FXR1: variants seen among roughly 807,000 people sequenced by gnomAD.
FXR1 encodes the protein FMR1 autosomal homolog 1, also known as RNA-binding protein FXR1.
A neutral mutation model predicts 84.0 loss-of-function variants in FXR1; 15 were observed. The observed-to-expected ratio is 0.18, with a 90% CI of 0.12 to 0.27. The LOEUF (loss-of-function observed/expected upper bound fraction) is 0.27. Among genes scored for constraint, FXR1 ranks in the 10% least tolerant of loss-of-function variants. The pLI is 1.00. For missense variants in FXR1, 480 were observed against 774.4 expected, an observed-to-expected ratio of 0.62 and a Z score of 4.51; for synonymous variants, 245 against 250.7, an observed-to-expected ratio of 0.98 and a Z score of 0.21.
rs1314095729 is a variant in FXR1 at position 180,981,961 on chromosome 3, G to A, written c.*5669G>A. On this transcript the variant is annotated 3_prime_UTR_variant, in exon 17 of 17. Coordinates refer to ENST00000357559, the MANE Select transcript of FXR1 (RefSeq NM_005087.4). ...AAAATATATCTGGAAGCACCAATGA[G>A]TAAAGACAAAGGCCCCAAGCTAGAT... The A allele has an allele frequency of 1.3e-5, 2 of 151,948 alleles. No individual in the cohort carries two copies. The highest frequency in any genetic ancestry group is 6.6e-5 in the Admixed American group (1 of 15,248). The allele number at this position is 151,948 out of a possible 1,614,324, so 9.4% of individuals were successfully genotyped here. A position where few individuals can be genotyped will look rare whatever the true frequency, so the allele number is the denominator to read the frequency against.
chr3:180,926,335 A>G (rs1181681468), intron 1 of FXR1, among the ~76,000 whole-genome samples: 1 of 151,882 alleles, frequency 6.6e-6, no homozygotes, highest in Non-Finnish European at 1.5e-5. Flanking sequence ...TAAGAGAATA[A>G]ATGTGAACTA....
chr3:180,972,578 T>C (rs1713717983), intron 15 of FXR1, among the ~76,000 whole-genome samples: 1 of 152,172 alleles, frequency 6.6e-6, no homozygotes, highest in Admixed American at 6.5e-5. Context: ...ACAGAATATA[T>C]TACAACATTT....
intron 3 of FXR1, 27 bp from the exon 4 acceptor site, chr3:180,947,838 G>A: frequency 7.1e-7 from 1 of 1,409,458 alleles, no homozygotes; most frequent in Non-Finnish European, 9.9e-7. Flanking sequence ...GGGATGAATG[G>A]ATATAGGCAT....
intron 1 of FXR1, among the ~76,000 whole-genome samples, chr3:180,929,683 C>T (rs1043812049): frequency 3.2e-4 from 49 of 152,326 alleles, no homozygotes; most frequent in African/African-American, 1.0e-3. Context: ...AGACCCAGCC[C>T]TGTCAATTTG....
chr3:180,928,169 A>G (rs1407436940), intron 1 of FXR1, among the ~76,000 whole-genome samples: 2 of 150,664 alleles, frequency 1.3e-5, no homozygotes, highest in Admixed American at 6.6e-5. Flanking sequence ...TGTTTTCCCC[A>G]AGAATTATTT....
At chr3:180,949,034 CAT>C (rs1266540053) in intron 6 of FXR1, among the ~76,000 whole-genome samples, 191 bp from the exon 7 acceptor site, 4 of 152,116 alleles carry the variant, frequency 2.6e-5, no homozygotes, top group African/African-American at 4.8e-5. Flanking sequence ...CCCAATCAAA[CAT>C]ATTCTGAATA....
rs751019608 is a variant in FXR1, at chr3:180,979,164, T to A, written c.*2872T>A. On this transcript the variant is annotated 3_prime_UTR_variant, in exon 17 of 17. Transcript: ENST00000357559. ...GTTTTGTAACCTAAGGAGGGTCTTATAGAAGTTGGTATGTTAACTAAATCT... is the reference window on the plus strand; with the variant it reads ...GTTTTGTAACCTAAGGAGGGTCTTAAAGAAGTTGGTATGTTAACTAAATCT... The A allele has an allele frequency of 4.6e-5, 7 of 152,082 alleles. No individual in the cohort carries two copies. Among genetic ancestry groups the A allele is most frequent in the African/African-American group, 1.2e-4 (5 of 41,406 alleles). The allele number at this position is 152,082 out of a possible 1,614,324, so 9.4% of individuals were successfully genotyped here. A position where few individuals can be genotyped will look rare whatever the true frequency, so the allele number is the denominator to read the frequency against.
intron 9 of FXR1, 78 bp downstream of exon 9, chr3:180,953,918 C>T (rs1722480519): frequency 2.7e-6 from 2 of 735,536 alleles, no homozygotes; most frequent in East Asian, 5.2e-5. Context: ...GAAAACTAGT[C>T]TTGTAGTCTG....
intron 10 of FXR1, among the ~76,000 whole-genome samples, chr3:180,960,679 G>C (rs1033469956): frequency 2.0e-5 from 3 of 151,978 alleles, no homozygotes; most frequent in Non-Finnish European, 4.4e-5. Context: ...TGCCCAGGCT[G>C]GTCTCGAACT....
intron 15 of FXR1, 150 bp from the exon 16 acceptor site, chr3:180,975,163 T>C: frequency 2.4e-6 from 1 of 408,422 alleles, no homozygotes; most frequent in African/African-American, 2.1e-5. Context: ...TTTTTAAAGC[T>C]TTGTTTTTGG....
intron 14 of FXR1, 192 bp downstream of exon 14, chr3:180,968,446 G>A (rs1713119168): frequency 3.7e-6 from 2 of 535,916 alleles, no homozygotes; most frequent in Non-Finnish European, 6.7e-6. Flanking sequence ...GGTTTACTTA[G>A]AATATACTGG....
chr3:180,966,915 A>C (rs1171304175), intron 13 of FXR1, among the ~76,000 whole-genome samples: 1 of 152,202 alleles, frequency 6.6e-6, no homozygotes, highest in African/African-American at 2.4e-5. Context: ...CTGACATTTG[A>C]GTTACAGTAA....
At chr3:180,961,642 T>A in intron 11 of FXR1, 88 bp downstream of exon 11, 1 of 651,856 alleles carries the variant, frequency 1.5e-6, no homozygotes, top group Non-Finnish European at 2.7e-6. Context: ...TAAAATGTCC[T>A]CACATTAAAC....
At chr3:180,941,126 G>A (rs1164604836) in intron 3 of FXR1, among the ~76,000 whole-genome samples, 2 of 151,600 alleles carry the variant, frequency 1.3e-5, no homozygotes, top group Admixed American at 6.6e-5. Context: ...GATTAAAAAA[G>A]AGAATAAAAA....
chr3:180,912,698 A>G lies in FXR1; in HGVS notation c.13A>G (p.Thr5Ala), dbSNP rs750332989. 1.4e-5 allele frequency: 23 copies of G among 1,613,064 alleles called. No homozygotes were observed. Among genetic ancestry groups the G allele is most frequent in the African/African-American group, 2.7e-5 (2 of 74,544 alleles). The part of the protein sequence containing the change: MAEL[T>A]VEVRGSNGAF... Reference sequence around the variant, plus strand: ...TTGCGGTTCCAACATGGCGGAGCTGACGGTGGAGGTTCGCGGCTCTAACGG... The same window carrying G: ...TTGCGGTTCCAACATGGCGGAGCTGGCGGTGGAGGTTCGCGGCTCTAACGG... Residue 5 changes from threonine (T) to alanine (A), a missense_variant, in exon 1 of 17, where the codon ACG becomes GCG. Transcript: ENST00000357559.
intron 1 of FXR1, among the ~76,000 whole-genome samples, chr3:180,928,141 G>A (rs1336533292): frequency 7.7e-6 from 1 of 129,052 alleles, no homozygotes; most frequent in Non-Finnish European, 1.7e-5. Context: ...TTTTTTTTCT[G>A]ATGAAGACAT....
chr3:180,982,297 T>G lies in FXR1; in HGVS notation c.*6005T>G, dbSNP rs1714647867. Reference sequence around the variant, plus strand: ...TTTGTAAGAAAATACCAGCAAAAGATAAAAGTTTTTTTATGGATCGTATTT... The same window carrying G: ...TTTGTAAGAAAATACCAGCAAAAGAGAAAAGTTTTTTTATGGATCGTATTT... On this transcript the variant is annotated 3_prime_UTR_variant, in exon 17 of 17. Transcript: ENST00000357559. 1 of 151,690 alleles carries G rather than the reference T, an allele frequency of 6.6e-6. No individual in the cohort carries two copies. Among genetic ancestry groups the G allele is most frequent in the Non-Finnish European group, 1.5e-5 (1 of 67,864 alleles). The allele number at this position is 151,690 out of a possible 1,614,324, so 9.4% of individuals were successfully genotyped here.
At chr3:180,951,992 A>G (rs1722272740) in intron 8 of FXR1, among the ~76,000 whole-genome samples, 1 of 152,170 alleles carries the variant, frequency 6.6e-6, no homozygotes, top group Admixed American at 6.5e-5. Context: ...GCTTGAGCCT[A>G]TGAGTTTGAA....
chr3:180,945,771 T>G (rs2108461595), intron 3 of FXR1, among the ~76,000 whole-genome samples: 1 of 152,358 alleles, frequency 6.6e-6, no homozygotes, highest in East Asian at 1.9e-4. Context: ...CAGGATGATC[T>G]GGGTTCTTGT....
Sources: gnomAD v4.1 joint callset for allele counts (sites outside exome capture counted in the v4.1 genomes callset) on GRCh38, gnomAD v4.1.1 for gene constraint, MANE v1.5 for transcripts, NCBI Gene and HGNC (gene_info 2026-07-23, HGNC 2026-07-21) for gene names.